Variants in PTPRM observed in about 807,000 individuals in gnomAD.
PTPRM encodes receptor-type tyrosine-protein phosphatase mu.
PTPRM carries 47 observed loss-of-function variants against 186.7 expected under a neutral mutation model. That is an observed-to-expected ratio of 0.25 (90% CI 0.20 to 0.32). The LOEUF is 0.32. Ranked by LOEUF, PTPRM falls within the 10% of genes least tolerant of loss-of-function variation. The probability of loss-of-function intolerance (pLI) is 1.00; values close to 1 mark genes in which losing one functional copy is unlikely to be tolerated. For synonymous variants in PTPRM, 668 were observed against 674.9 expected (o/e 0.99, Z 0.16); for missense variants, 1,494 against 1,865.0 (o/e 0.80, Z 3.66).
intron 1 of PTPRM, among the ~76,000 whole-genome samples, chr18:7,619,085 G>A (rs1033287914): frequency 3.3e-5 from 5 of 152,074 alleles, no homozygotes; most frequent in Non-Finnish European, 7.4e-5. Context: ...TTAAGCAATG[G>A]GGTGCTTTAT....
At chr18:7,719,665 A>G (rs2040410274) in intron 1 of PTPRM, among the ~76,000 whole-genome samples, 2 of 152,250 alleles carry the variant, frequency 1.3e-5, no homozygotes, top group Admixed American at 1.3e-4. Flanking sequence ...GTTAAATAAG[A>G]GAGGCATTCC....
At chr18:8,008,455 T>C (rs2084321169) in intron 7 of PTPRM, among the ~76,000 whole-genome samples, 1 of 152,210 alleles carries the variant, frequency 6.6e-6, no homozygotes, top group South Asian at 2.1e-4. Flanking sequence ...TCTTTACTTA[T>C]TGTTTTTATG....
intron 5 of PTPRM, among the ~76,000 whole-genome samples, chr18:7,938,922 A>C (rs377198980): frequency 2.0e-5 from 3 of 152,292 alleles, no homozygotes; most frequent in East Asian, 3.9e-4. Context: ...CAGAATTTTT[A>C]GTTTTAGTAC....
intron 7 of PTPRM, among the ~76,000 whole-genome samples, chr18:7,958,890 A>G (rs1351792643): frequency 6.6e-6 from 1 of 152,172 alleles, no homozygotes; most frequent in East Asian, 1.9e-4. Context: ...TTTGTGCTAA[A>G]ACATCACTTC....
chr18:8,379,127 A>C (rs532553340), intron 27 of PTPRM, 40 bp from the exon 28 acceptor site: 1 of 1,524,382 alleles, frequency 6.6e-7, no homozygotes, highest in South Asian at 1.3e-5. Context: ...GTCCGCTGCC[A>C]AGGCTTCTTG....
At chr18:8,318,260 T>A (rs1444918924) in intron 21 of PTPRM, among the ~76,000 whole-genome samples, 1 of 150,392 alleles carries the variant, frequency 6.6e-6, no homozygotes, top group Non-Finnish European at 1.5e-5. Context: ...CCCAGATACT[T>A]ATCCTACAAT....
intron 14 of PTPRM, among the ~76,000 whole-genome samples, chr18:8,187,830 T>A (rs2093662662): frequency 6.6e-6 from 1 of 152,200 alleles, no homozygotes; most frequent in African/African-American, 2.4e-5. Flanking sequence ...ACCACATGTT[T>A]TTTAGGAATT....
At chr18:7,733,617 G>A (rs2040707469) in intron 1 of PTPRM, among the ~76,000 whole-genome samples, 1 of 152,088 alleles carries the variant, frequency 6.6e-6, no homozygotes, top group Admixed American at 6.5e-5. Context: ...GTGATTGCTG[G>A]GTCAAATGGT....
chr18:7,997,285 G>A (rs950691504), intron 7 of PTPRM, among the ~76,000 whole-genome samples: 1 of 152,006 alleles, frequency 6.6e-6, no homozygotes, highest in East Asian at 1.9e-4. Context: ...CATACGATAG[G>A]GAGATGACAG....
intron 7 of PTPRM, among the ~76,000 whole-genome samples, chr18:7,975,878 G>A (rs1160285321): frequency 6.6e-6 from 1 of 152,006 alleles, no homozygotes; most frequent in Non-Finnish European, 1.5e-5. Context: ...TTCTTAGAAT[G>A]TATCTCTGTT....
At chr18:7,825,630 C>T (rs1200233902) in intron 2 of PTPRM, among the ~76,000 whole-genome samples, 1 of 152,082 alleles carries the variant, frequency 6.6e-6, no homozygotes, top group Admixed American at 6.5e-5. Context: ...CCCTGTGATG[C>T]CATGGGCTGG....
intron 2 of PTPRM, among the ~76,000 whole-genome samples, chr18:7,859,023 G>C (rs1158001833): frequency 6.6e-6 from 1 of 152,152 alleles, no homozygotes; most frequent in Non-Finnish European, 1.5e-5. Flanking sequence ...GCATTCTGGG[G>C]TTTTGCCCCA....
chr18:7,789,706 A>C (rs371800018), intron 2 of PTPRM, among the ~76,000 whole-genome samples: 5 of 152,162 alleles, frequency 3.3e-5, no homozygotes, highest in African/African-American at 1.2e-4. Context: ...AGCTGAATAC[A>C]TATCATTCTC....
At chr18:7,801,726 G>A (rs192598661) in intron 2 of PTPRM, among the ~76,000 whole-genome samples, 3 of 152,246 alleles carry the variant, frequency 2.0e-5, no homozygotes, top group Admixed American at 6.5e-5. Context: ...TGAGCACTGC[G>A]TTGCACTATG....
chr18:7,840,367 T>C (rs1290273163), intron 2 of PTPRM, among the ~76,000 whole-genome samples: 1 of 152,210 alleles, frequency 6.6e-6, no homozygotes. Flanking sequence ...AGTTGAGAAC[T>C]AAATTACTTA....
At chr18:7,705,496 A>T (rs1456376566) in intron 1 of PTPRM, among the ~76,000 whole-genome samples, 2 of 151,902 alleles carry the variant, frequency 1.3e-5, no homozygotes, top group African/African-American at 4.8e-5. Context: ...ATTTTTCTAA[A>T]GTTGGATTAT....
intron 1 of PTPRM, among the ~76,000 whole-genome samples, chr18:7,760,790 G>A (rs2041734317): frequency 6.6e-6 from 1 of 152,192 alleles, no homozygotes; most frequent in Admixed American, 6.5e-5. Context: ...TAGATGAATA[G>A]ATGAGGAAAG....
At chr18:7,842,291 C>T (rs377306166) in intron 2 of PTPRM, among the ~76,000 whole-genome samples, 3 of 152,070 alleles carry the variant, frequency 2.0e-5, no homozygotes, top group African/African-American at 7.2e-5. Context: ...TGGTTGTCAC[C>T]CCGATAATAA....
chr18:7,855,238 T>G (rs988837921), intron 2 of PTPRM, among the ~76,000 whole-genome samples: 1 of 152,138 alleles, frequency 6.6e-6, no homozygotes, highest in African/African-American at 2.4e-5. Flanking sequence ...AAGCTGGGTG[T>G]GACTGAGAAG....
Sources: gnomAD v4.1 joint callset for allele counts (sites outside exome capture counted in the v4.1 genomes callset) on GRCh38, gnomAD v4.1.1 for gene constraint, MANE v1.5 for transcripts, NCBI Gene and HGNC (gene_info 2026-07-23, HGNC 2026-07-21) for gene names.